DRC1: variants seen among roughly 807,000 people sequenced by gnomAD.
The protein encoded by DRC1 is dynein regulatory complex subunit 1.
In DRC1, 74 loss-of-function variants were observed where a neutral mutation model predicts 98.7. The observed-to-expected ratio is 0.75, with a 90% CI of 0.62 to 0.91. The LOEUF (loss-of-function observed/expected upper bound fraction) is 0.91, where lower values mean the gene tolerates loss of function less well. DRC1 is among the 40% of genes least tolerant of loss of function. The pLI, the probability that DRC1 is intolerant of heterozygous loss-of-function variation, is 0.00. For synonymous variants in DRC1, 336 were observed against 334.1 expected (o/e 1.01, Z -0.06); for missense variants, 875 against 886.0 (o/e 0.99, Z 0.16).
In DRC1 at chr2:26,431,935, C is replaced by T. The variant is rs1280851359; in HGVS notation, c.817C>T (p.Leu273=). The part of the protein sequence containing the change: ...MKKVEDYEKQ[L]NRQRIWDCEE... ...GAAAGTAGAGGACTATGAGAAGCAG[C>T]TGAACAGGCAGAGGATCTGGGATTG... Residue 273 remains leucine, a synonymous_variant, in exon 7 of 17, where the codon CTG becomes TTG. Coordinates refer to ENST00000288710, the MANE Select transcript of DRC1 (RefSeq NM_145038.5). 9 of 1,614,154 alleles carry T rather than the reference C, an allele frequency of 5.6e-6. No individual in the cohort carries two copies. Among genetic ancestry groups the T allele is most frequent in the Non-Finnish European group, 7.6e-6 (9 of 1,180,012 alleles).
intron 4 of DRC1, 131 bp from the exon 5 acceptor site, chr2:26,429,497 T>C (rs1663376143): frequency 8.1e-7 from 1 of 1,234,498 alleles, no homozygotes; most frequent in African/African-American, 1.5e-5. Context: ...TGAGCCACTG[T>C]GCGCAGCCCT....
chr2:26,430,376 T>C lies in DRC1; in HGVS notation c.679-410T>C, dbSNP rs1221534909. 6 of 390,656 alleles carry C rather than the reference T, an allele frequency of 1.5e-5. No homozygotes were observed. In the Admixed American group the frequency reaches 1.6e-4, roughly 10 times the overall value. 24.2% of individuals were successfully genotyped at this position (390,656 alleles called of 1,614,324 possible). On this transcript the variant is annotated intron_variant, in intron 5 of 16. Transcript: ENST00000288710. ...TGTTAGAGACTCATTTCTGCATTCCTAAACCTACCCCTTGTGAGTTTCATG... is the reference window on the plus strand; with the variant it reads ...TGTTAGAGACTCATTTCTGCATTCCCAAACCTACCCCTTGTGAGTTTCATG...
intron 8 of DRC1, among the ~76,000 whole-genome samples, chr2:26,442,743 C>T (rs1487927387): frequency 6.6e-6 from 1 of 152,190 alleles, no homozygotes. Flanking sequence ...TGAAACCAGA[C>T]TTGCCTCTGC....
chr2:26,437,373 A>G (rs1663599543), intron 7 of DRC1, among the ~76,000 whole-genome samples: 2 of 152,212 alleles, frequency 1.3e-5, no homozygotes, highest in Admixed American at 1.3e-4. Context: ...AAACAGGCTC[A>G]GAAAGGGTCC....
intron 3 of DRC1, among the ~76,000 whole-genome samples, chr2:26,422,880 A>T (rs1430022121): frequency 6.6e-6 from 1 of 151,140 alleles, no homozygotes; most frequent in Non-Finnish European, 1.5e-5. Flanking sequence ...AGAGTGTGCC[A>T]CTGGACTCCA....
intron 1 of DRC1, among the ~76,000 whole-genome samples, chr2:26,405,197 G>T (rs1558431176): frequency 6.6e-6 from 1 of 152,082 alleles, no homozygotes; most frequent in African/African-American, 2.4e-5. Context: ...TGCTTTCTTT[G>T]GTGAGCACCT....
At chr2:26,417,828 A>G (rs1454316370) in intron 2 of DRC1, among the ~76,000 whole-genome samples, 1 of 152,226 alleles carries the variant, frequency 6.6e-6, no homozygotes, top group African/African-American at 2.4e-5. Flanking sequence ...TGATTTTAAT[A>G]CATTGACTTG....
At chr2:26,444,571 GT>G in intron 9 of DRC1, 144 bp from the exon 10 acceptor site, 2 of 1,024,388 alleles carry the variant, frequency 2.0e-6, no homozygotes, top group South Asian at 3.4e-5. Context: ...CCAGTTTATC[GT>G]AAGTGGGAAT....
At chr2:26,433,557 A>C (rs772369674) in intron 7 of DRC1, among the ~76,000 whole-genome samples, 7 of 152,192 alleles carry the variant, frequency 4.6e-5, no homozygotes, top group Non-Finnish European at 1.0e-4. Flanking sequence ...AAGCTTTCTG[A>C]ATTTATCTTG....
At chr2:26,417,048 A>G (rs910652783) in intron 2 of DRC1, among the ~76,000 whole-genome samples, 10 of 152,190 alleles carry the variant, frequency 6.6e-5, no homozygotes, top group Non-Finnish European at 4.4e-5. Flanking sequence ...CTCACTCACT[A>G]TCATGAGAAC....
chr2:26,448,237 A>AT (rs1443803090), intron 10 of DRC1: 2 of 397,050 alleles, frequency 5.0e-6, no homozygotes, highest in Admixed American at 3.4e-5. Context: ...AAAAAAAAAA[A>AT]AAAAATTATC....
intron 12 of DRC1, among the ~76,000 whole-genome samples, 186 bp downstream of exon 12, chr2:26,450,271 T>A (rs1663968252): frequency 6.6e-6 from 1 of 152,180 alleles, no homozygotes; most frequent in Non-Finnish European, 1.5e-5. Flanking sequence ...CTGCAGTGTC[T>A]CCCACCCCTG....
At chr2:26,422,477 C>G (rs973726208) in intron 3 of DRC1, among the ~76,000 whole-genome samples, 3 of 152,184 alleles carry the variant, frequency 2.0e-5, no homozygotes, top group African/African-American at 7.2e-5. Context: ...ACGCCCATGT[C>G]CCAGGTCTCA....
At chr2:26,427,101 AT>A (rs1402654467) in intron 4 of DRC1, among the ~76,000 whole-genome samples, 2 of 152,060 alleles carry the variant, frequency 1.3e-5, no homozygotes, top group Non-Finnish European at 2.9e-5. Flanking sequence ...CTGATTTAAA[AT>A]TTTTTAAACA....
chr2:26,454,641 C>T lies in DRC1; in HGVS notation c.1920-6C>T, dbSNP rs1359622970. The T allele has an allele frequency of 6.2e-7, 1 of 1,613,984 alleles. No homozygotes were observed. ...ACATGACAATCACTGTGCTCTTGGC[C>T]TTCAGGGACTCGCGGGCCCCGCTGA... On this transcript the variant is annotated splice_polypyrimidine_tract_variant and splice_region_variant and intron_variant, in intron 14 of 16. Transcript: ENST00000288710. This position sits in a 1 kb window ranked among gnomAD's most constrained non-coding sequence, Gnocchi z 5.2.
intron 2 of DRC1, among the ~76,000 whole-genome samples, 159 bp downstream of exon 2, chr2:26,414,590 C>A (rs754126417): frequency 6.6e-6 from 1 of 152,210 alleles, no homozygotes; most frequent in Non-Finnish European, 1.5e-5. Context: ...TAGGAGTGAG[C>A]TTTCAGATGA....
chr2:26,418,581 T>C (rs1344438803), intron 2 of DRC1, among the ~76,000 whole-genome samples: 3 of 105,618 alleles, frequency 2.8e-5, no homozygotes, highest in African/African-American at 1.3e-4. Context: ...ATATTATATA[T>C]AAATTATATA....
rs747332332 is a variant in DRC1, at chr2:26,456,495, T to C, written c.2201T>C (p.Val734Ala). Reference protein sequence around the residue: ...NSELQVPPTQVLRVPTK With the variant: ...NSELQVPPTQALRVPTK ...GAACTGCAAGTTCCTCCCACTCAGG[T>C]GTTGCGGGTACCCACAAAATGAGCT... is the stretch of plus-strand genomic sequence containing the variant. Residue 734 changes from valine to alanine, a missense_variant, in exon 17 of 17, where the codon GTG becomes GCG. Val to Ala is a moderately conservative substitution (Grantham distance 64). Transcript: ENST00000288710. 1 of 1,614,126 alleles carries C rather than the reference T, an allele frequency of 6.2e-7. No homozygotes were observed. Among genetic ancestry groups the C allele is most frequent in the South Asian group, 1.1e-5 (1 of 91,076 alleles).
chr2:26,413,492 C>G (rs1023099880), intron 1 of DRC1, among the ~76,000 whole-genome samples: 2 of 152,200 alleles, frequency 1.3e-5, no homozygotes, highest in African/African-American at 4.8e-5. Context: ...GGGCTCCCAC[C>G]TGATACTGTC....
Sources: gnomAD v4.1 joint callset for allele counts (sites outside exome capture counted in the v4.1 genomes callset) on GRCh38, gnomAD v4.1.1 for gene constraint, Gnocchi (gnomAD v3.1) non-coding constraint, MANE v1.5 for transcripts, NCBI Gene and HGNC (gene_info 2026-07-23, HGNC 2026-07-21) for gene names.